Variants in EPHA6 observed in about 807,000 individuals in gnomAD.
EPHA6 encodes the protein EPH receptor A6, also known as ephrin type-A receptor 6.
In EPHA6, 50 loss-of-function variants were observed where a neutral mutation model predicts 112.0. That is an observed-to-expected ratio of 0.45 (90% CI 0.36 to 0.56). The LOEUF (loss-of-function observed/expected upper bound fraction) is 0.56. Ranked by LOEUF, EPHA6 falls within the 20% of genes least tolerant of loss-of-function variation. The pLI is 0.00. For missense variants in EPHA6, 1,280 were observed against 1,417.4 expected (o/e 0.90, Z 1.56); for synonymous variants, 529 against 490.7 (o/e 1.08, Z -1.03).
intron 3 of EPHA6, among the ~76,000 whole-genome samples, chr3:97,174,076 G>A (rs1477453575): frequency 6.8e-6 from 1 of 147,286 alleles, no homozygotes; most frequent in African/African-American, 2.5e-5. Flanking sequence ...TTTCTACCCT[G>A]TATGTTCATG....
At chr3:97,605,317 T>G (rs2093672661) in intron 12 of EPHA6, among the ~76,000 whole-genome samples, 1 of 151,616 alleles carries the variant, frequency 6.6e-6, no homozygotes, top group Non-Finnish European at 1.5e-5. Flanking sequence ...AGCCATAAAC[T>G]CTTTGCCAAG....
chr3:97,628,079 G>T (rs992746400), intron 13 of EPHA6, among the ~76,000 whole-genome samples: 2 of 151,932 alleles, frequency 1.3e-5, no homozygotes, highest in Non-Finnish European at 1.5e-5. Flanking sequence ...ATTTTATAAG[G>T]ATCACTCTGT....
At chr3:97,713,531 T>C (rs2034074344) in intron 14 of EPHA6, among the ~76,000 whole-genome samples, 1 of 152,240 alleles carries the variant, frequency 6.6e-6, no homozygotes, top group Non-Finnish European at 1.5e-5. Context: ...ACCAATATTT[T>C]AAAAATACTG....
intron 16 of EPHA6, 27 bp downstream of exon 16, chr3:97,736,145 T>C (rs2035241996): frequency 6.4e-7 from 1 of 1,571,338 alleles, no homozygotes; most frequent in Non-Finnish European, 8.7e-7. Context: ...TGAGTTTTTT[T>C]CTTCTTGACA....
chr3:97,620,951 C>T (rs1430007633), intron 13 of EPHA6, among the ~76,000 whole-genome samples: 1 of 151,864 alleles, frequency 6.6e-6, no homozygotes, highest in Non-Finnish European at 1.5e-5. Flanking sequence ...CTATTATAAA[C>T]ACACACGCAT....
chr3:97,712,753 C>T (rs529339084), intron 14 of EPHA6, among the ~76,000 whole-genome samples: 21 of 152,208 alleles, frequency 1.4e-4, no homozygotes, highest in African/African-American at 5.1e-4. Context: ...GATCCTAATT[C>T]TTCAGGGTTT....
chr3:97,595,749 G>A (rs1202427011), intron 12 of EPHA6, among the ~76,000 whole-genome samples: 1 of 151,724 alleles, frequency 6.6e-6, no homozygotes, highest in African/African-American at 2.4e-5. Context: ...TAAGAGAATG[G>A]GGAAGGAGAA....
intron 3 of EPHA6, among the ~76,000 whole-genome samples, chr3:97,185,675 A>C (rs2077107756): frequency 6.6e-6 from 1 of 152,076 alleles, no homozygotes; most frequent in South Asian, 2.1e-4. Flanking sequence ...GGGATCTAGA[A>C]CTAGAAATAC....
At chr3:96,903,097 A>T (rs2038707414) in intron 2 of EPHA6, among the ~76,000 whole-genome samples, 1 of 152,218 alleles carries the variant, frequency 6.6e-6, no homozygotes, top group African/African-American at 2.4e-5. Flanking sequence ...GAGTTGAGGG[A>T]GTCTACCTGA....
intron 2 of EPHA6, among the ~76,000 whole-genome samples, chr3:96,969,384 G>C (rs186765640): frequency 2.6e-5 from 4 of 151,948 alleles, no homozygotes; most frequent in African/African-American, 9.6e-5. Flanking sequence ...GCCGATGATC[G>C]TGGATATAAT....
In EPHA6 at chr3:97,375,174, A is replaced by G. The variant is rs543988226; in HGVS notation, c.1607-29976A>G. ...TAGAAAACAGAACTATGTTTTCTAC[A>G]TACACTGGTCATCCTATTACAAAGG... is the stretch of plus-strand genomic sequence containing the variant. On this transcript the variant is annotated intron_variant, in intron 5 of 17. Coordinates refer to ENST00000389672, the MANE Select transcript of EPHA6 (RefSeq NM_001080448.3). Among the ~76,000 whole-genome samples, 112 of 152,278 alleles carry G rather than the reference A, an allele frequency of 7.4e-4. 1 individual carries two copies. Among genetic ancestry groups the G allele is most frequent in the African/African-American group, 2.5e-3 (105 of 41,570 alleles).
chr3:96,918,866 G>A (rs1253384889), intron 2 of EPHA6, among the ~76,000 whole-genome samples: 3 of 151,866 alleles, frequency 2.0e-5, no homozygotes, highest in South Asian at 2.1e-4. Flanking sequence ...CACAATTTCA[G>A]TTCTAACCTA....
intron 5 of EPHA6, among the ~76,000 whole-genome samples, chr3:97,350,019 G>A (rs1459920071): frequency 2.0e-5 from 3 of 151,210 alleles, no homozygotes; most frequent in Non-Finnish European, 4.4e-5. Flanking sequence ...TACTTCTCAC[G>A]AATTAGATAT....
intron 1 of EPHA6, among the ~76,000 whole-genome samples, chr3:96,852,155 A>C (rs1466324063): frequency 6.6e-6 from 1 of 152,072 alleles, no homozygotes; most frequent in African/African-American, 2.4e-5. Context: ...CTAAGAAAAG[A>C]ATGGAAATGC....
intron 4 of EPHA6, among the ~76,000 whole-genome samples, chr3:97,242,914 C>A (rs1435700386): frequency 1.3e-5 from 2 of 151,682 alleles, no homozygotes; most frequent in Non-Finnish European, 2.9e-5. Flanking sequence ...TATAGCCTCT[C>A]ACAGCATACG....
At chr3:97,118,037 T>C (rs188486194) in intron 3 of EPHA6, among the ~76,000 whole-genome samples, 1 of 151,902 alleles carries the variant, frequency 6.6e-6, no homozygotes, top group East Asian at 1.9e-4. Context: ...TTCTTTTTGA[T>C]CTTCAAATAC....
At chr3:96,959,945 G>A (rs1392401927) in intron 2 of EPHA6, among the ~76,000 whole-genome samples, 2 of 151,986 alleles carry the variant, frequency 1.3e-5, no homozygotes, top group Non-Finnish European at 2.9e-5. Flanking sequence ...AAAATTATAG[G>A]CATAGCTGGA....
At chr3:97,405,423 A>G (rs767597110) in intron 6 of EPHA6, 149 bp downstream of exon 6, 1 of 615,932 alleles carries the variant, frequency 1.6e-6, no homozygotes, top group Non-Finnish European at 2.7e-6. Flanking sequence ...AATCCTCTCT[A>G]ACTTACTATT....
At chr3:97,357,845 T>G (rs1446991424) in intron 5 of EPHA6, among the ~76,000 whole-genome samples, 1 of 152,106 alleles carries the variant, frequency 6.6e-6, no homozygotes, top group African/African-American at 2.4e-5. Flanking sequence ...CATAAGGAAG[T>G]GAAAATATAT....
Sources: allele counts gnomAD v4.1 joint callset (sites outside exome capture counted in the v4.1 genomes callset), GRCh38; gene constraint gnomAD v4.1.1; transcripts MANE v1.5; gene names NCBI Gene and HGNC (gene_info 2026-07-23, HGNC 2026-07-21).